Variants in LNX1 observed in about 807,000 individuals in gnomAD.
The protein encoded by LNX1 is ligand of numb-protein X 1, also known as E3 ubiquitin-protein ligase LNX.
LNX1 carries 54 observed loss-of-function variants against 68.4 expected under a neutral mutation model. The ratio of observed to expected loss-of-function variants is 0.79; its 90% CI spans 0.63 to 0.99. LNX1 has a LOEUF of 0.99. LNX1 is among the 50% of genes least tolerant of loss of function. LNX1 has a pLI of 0.00. For missense variants in LNX1, 906 were observed against 926.4 expected (o/e 0.98, Z 0.29); for synonymous variants, 336 against 350.0 (o/e 0.96, Z 0.45).
intron 2 of LNX1, among the ~76,000 whole-genome samples, chr4:53,513,225 C>A (rs36090882): frequency 0.12 from 17,907 of 152,156 alleles, 1,368 homozygotes; most frequent in East Asian, 0.22. Flanking sequence ...AGAAGGCAGT[C>A]TGGCAGAAGA....
intron 1 of LNX1, among the ~76,000 whole-genome samples, chr4:53,577,240 T>C (rs1731551207): frequency 6.6e-6 from 1 of 152,190 alleles, no homozygotes; most frequent in Admixed American, 6.5e-5. Flanking sequence ...CTACAATCTA[T>C]AGGGGAAAAA....
chr4:53,568,389 C>A (rs1369906117), intron 2 of LNX1, among the ~76,000 whole-genome samples: 3 of 151,810 alleles, frequency 2.0e-5, no homozygotes, highest in Non-Finnish European at 4.4e-5. Context: ...GAGCCAAAGA[C>A]AAAAACCACA....
chr4:53,499,647 G>C (rs907871462), intron 4 of LNX1, among the ~76,000 whole-genome samples: 4 of 152,148 alleles, frequency 2.6e-5, no homozygotes, highest in African/African-American at 9.7e-5. Flanking sequence ...TTATTGAGAG[G>C]TAAAAAACAG....
chr4:53,644,222 G>A (rs529790657), intron 1 of LNX1, among the ~76,000 whole-genome samples: 1 of 152,234 alleles, frequency 6.6e-6, no homozygotes, highest in Admixed American at 6.5e-5. Context: ...CCAGCATGAT[G>A]AAACTCTGTC....
intron 2 of LNX1, among the ~76,000 whole-genome samples, chr4:53,567,780 T>A (rs1201007803): frequency 1.3e-5 from 2 of 151,342 alleles, no homozygotes; most frequent in African/African-American, 4.9e-5. Context: ...GAGAGAAGAA[T>A]CAAATAGATG....
chr4:53,574,097 G>C lies in LNX1; in HGVS notation c.-86-9C>G. On this transcript the variant is annotated splice_polypyrimidine_tract_variant and intron_variant, in intron 1 of 10. Transcript: ENST00000263925. Reference sequence around the variant, plus strand: ...AGGAGACATCCACACACCTAAAAAAGAACAAGAAGGCTCACCTTTGCTTCC... The same window carrying C: ...AGGAGACATCCACACACCTAAAAAACAACAAGAAGGCTCACCTTTGCTTCC... The C allele has an allele frequency of 6.8e-7, 1 of 1,480,582 alleles. No homozygotes were observed. Among genetic ancestry groups the C allele is most frequent in the Non-Finnish European group, 9.0e-7 (1 of 1,116,634 alleles). The allele number at this position is 1,480,582 out of a possible 1,614,324, so 91.7% of individuals were successfully genotyped here. A position where few individuals can be genotyped will look rare whatever the true frequency, so the allele number is the denominator to read the frequency against.
intron 2 of LNX1, among the ~76,000 whole-genome samples, chr4:53,508,687 T>G (rs1205571955): frequency 6.6e-6 from 1 of 152,252 alleles, no homozygotes; most frequent in South Asian, 2.1e-4. Context: ...CATATTTAAC[T>G]GTTCATGCAA....
intron 2 of LNX1, among the ~76,000 whole-genome samples, chr4:53,513,186 G>C (rs1399257183): frequency 6.6e-6 from 1 of 151,964 alleles, no homozygotes; most frequent in Non-Finnish European, 1.5e-5. Context: ...ATCGATCACG[G>C]TCTCTTGCCT....
chr4:53,496,382 C>T lies in LNX1; in HGVS notation c.991G>A (p.Asp331Asn), dbSNP rs1474398274. 9.3e-6 allele frequency: 15 copies of T among 1,606,582 alleles called. No homozygotes were observed. The highest frequency in any genetic ancestry group is 1.2e-5 in the Non-Finnish European group (14 of 1,174,794). ...GDIILKVNGM[D>N]ISNVPHNYAV... ...TAGTTGTGAGGGACATTGCTGATGTCCATCCCGTTGACCTGGGGGCAGGTG... is the reference window on the plus strand; with the variant it reads ...TAGTTGTGAGGGACATTGCTGATGTTCATCCCGTTGACCTGGGGGCAGGTG... Residue 331 changes from aspartate to asparagine, a missense_variant, in exon 6 of 11, where the codon GAC (aspartate) becomes AAC (asparagine). Physicochemically the swap from Asp to Asn is conservative, Grantham distance 23. Transcript: ENST00000263925.
At chr4:53,595,963 A>G (rs1577776551), upstream of LNX1, among the ~76,000 whole-genome samples, 1 of 61,070 alleles carries the variant, frequency 1.6e-5, no homozygotes, top group South Asian at 1.1e-3. Flanking sequence ...AATAAAAGTC[A>G]TCTCTACAAA....
At chr4:53,586,246 T>C (rs548234210) in intron 1 of LNX1, among the ~76,000 whole-genome samples, 1 of 152,104 alleles carries the variant, frequency 6.6e-6, no homozygotes, top group African/African-American at 2.4e-5. Flanking sequence ...ACATGGTGAC[T>C]CATGTATTCA....
intron 1 of LNX1, among the ~76,000 whole-genome samples, chr4:53,646,406 C>T (rs1734883540): frequency 1.3e-5 from 2 of 152,192 alleles, no homozygotes; most frequent in Admixed American, 1.3e-4. Flanking sequence ...TATTCATATC[C>T]TCTAACCCTG....
rs190261369 is a variant in LNX1, at chr4:53,631,200, G to C, written c.-215+20968C>G. 1.8e-3 allele frequency among the ~76,000 whole-genome samples: 277 copies of C among 152,258 alleles called. 3 individuals carry two copies. Among genetic ancestry groups the C allele is most frequent in the South Asian group, 6.6e-3 (32 of 4,826 alleles). ...AGACAGTTTGTCTTCCCCACTACCT[G>C]GTGAGAGTGAAGGATCGGGAGTGGG... On this transcript the variant is annotated intron_variant, in intron 1 of 2. Coordinates refer to the LNX1 transcript ENST00000507168.
chr4:53,649,966 G>C (rs1267030703), intron 1 of LNX1, among the ~76,000 whole-genome samples: 1 of 152,196 alleles, frequency 6.6e-6, no homozygotes, highest in Admixed American at 6.5e-5. Flanking sequence ...ACAAGGACTT[G>C]ACAGAGAAGA....
intron 1 of LNX1, among the ~76,000 whole-genome samples, chr4:53,582,727 T>A (rs932040): frequency 0.2 from 30,813 of 152,116 alleles, 3,412 homozygotes; most frequent in South Asian, 0.31. Context: ...GTTTTTTTTT[T>A]AATTGTTGAT....
At position 53,507,262 on chromosome 4, in the gene LNX1, A is replaced by T. The variant is rs114222480; in HGVS notation, c.775+55T>A. On this transcript the variant is annotated intron_variant, in intron 4 of 10. Coordinates refer to ENST00000263925, the MANE Select transcript of LNX1 (RefSeq NM_001126328.3). ...GGTGATCAGATTGCGTCATCCCTGAAGTCCCCCTGGAAGCCCAGCCCATGT... is the reference window on the plus strand; with the variant it reads ...GGTGATCAGATTGCGTCATCCCTGATGTCCCCCTGGAAGCCCAGCCCATGT... 1.6e-3 allele frequency: 2,480 copies of T among 1,573,470 alleles called. 33 individuals are homozygous for T. The African/African-American group carries it at 0.029, about 18-fold the overall frequency.
intron 2 of LNX1, among the ~76,000 whole-genome samples, chr4:53,536,357 C>T (rs781248956): frequency 1.2e-4 from 19 of 152,062 alleles, no homozygotes; most frequent in Non-Finnish European, 1.8e-4. Flanking sequence ...TTTACACAAA[C>T]GCCACACACA....
chr4:53,466,472 T>A (rs1009434964), intron 9 of LNX1, among the ~76,000 whole-genome samples: 12 of 152,140 alleles, frequency 7.9e-5, no homozygotes, highest in African/African-American at 2.9e-4. Context: ...TTCATCTCAC[T>A]AGGGAGTGCC....
intron 6 of LNX1, among the ~76,000 whole-genome samples, chr4:53,495,555 T>C (rs1349511765): frequency 6.7e-6 from 1 of 149,932 alleles, no homozygotes; most frequent in Admixed American, 6.6e-5. Flanking sequence ...TAGCTTTTTT[T>C]TTTTTTAAGA....
Sources: gnomAD v4.1 joint callset for allele counts (sites outside exome capture counted in the v4.1 genomes callset) on GRCh38, gnomAD v4.1.1 for gene constraint, MANE v1.5 for transcripts, NCBI Gene and HGNC (gene_info 2026-07-23, HGNC 2026-07-21) for gene names.